The following SHLD1 variants were observed in gnomAD, a reference collection of about 807,000 sequenced individuals.
SHLD1 encodes shieldin complex subunit 1.
Under a neutral mutation model 5.5 loss-of-function variants are expected in SHLD1, and 3 were observed. The observed-to-expected ratio is 0.54, with a 90% CI of 0.25 to 1.40. SHLD1 has a LOEUF of 1.40. SHLD1 is among the 40% of genes most tolerant of loss of function. The pLI is 0.15. For missense variants in SHLD1, 210 were observed against 244.4 expected, an observed-to-expected ratio of 0.86 and a Z score of 0.94; for synonymous variants, 92 against 94.3, an observed-to-expected ratio of 0.98 and a Z score of 0.14.
At chr20:5,755,748 G>A (rs1478069246) in intron 1 of SHLD1, among the ~76,000 whole-genome samples, 4 of 151,930 alleles carry the variant, frequency 2.6e-5, no homozygotes, top group African/African-American at 7.3e-5. Flanking sequence ...TAGTAGAGAC[G>A]GGGTTTCTCC....
intron 2 of SHLD1, among the ~76,000 whole-genome samples, chr20:5,812,737 G>A (rs543013124): frequency 1.4e-4 from 22 of 152,166 alleles, no homozygotes; most frequent in Non-Finnish European, 3.1e-4. Context: ...TTACAGGGTT[G>A]TGAATGTTGT....
Position 5,863,477 on chromosome 20 carries a change from G to A in SHLD1, c.*14G>A. On this transcript the variant is annotated 3_prime_UTR_variant, in exon 3 of 3. Coordinates refer to ENST00000303142, the MANE Select transcript of SHLD1 (RefSeq NM_152504.4). ...AAAGACCTGTAACTGGTGCCGGGCA[G>A]TGTGCAGGGTAGTAATGGAGGTGCT... The A allele has an allele frequency of 6.3e-7, 1 of 1,576,816 alleles. No homozygotes were observed. The highest frequency in any genetic ancestry group is 1.3e-5 in the African/African-American group (1 of 74,378).
intron 2 of SHLD1, among the ~76,000 whole-genome samples, chr20:5,787,334 A>G (rs1000710343): frequency 1.3e-5 from 2 of 152,092 alleles, no homozygotes; most frequent in African/African-American, 4.8e-5. Flanking sequence ...CCCAGAAGAA[A>G]TTTTCTCATC....
chr20:5,857,574 C>T (rs1600185665), intron 2 of SHLD1, among the ~76,000 whole-genome samples: 2 of 152,046 alleles, frequency 1.3e-5, no homozygotes, highest in South Asian at 2.1e-4. Flanking sequence ...TTTGGGAGGC[C>T]GAGGCGGGCA....
At chr20:5,759,296 A>T (rs1280214917) in intron 1 of SHLD1, among the ~76,000 whole-genome samples, 2 of 148,358 alleles carry the variant, frequency 1.3e-5, no homozygotes, top group East Asian at 4.0e-4. Context: ...GTCTTGCTCT[A>T]TTGCCCAGGC....
intron 2 of SHLD1, among the ~76,000 whole-genome samples, chr20:5,817,394 TTCTCTCTCTCTC>T (rs144955343): frequency 7.4e-4 from 56 of 75,868 alleles, no homozygotes; most frequent in African/African-American, 2.1e-3. Context: ...ACGGGATATT[TTCTCTCTCTCTC>T]TCTCTCTCTC....
chr20:5,852,045 A>G (rs1371290609), intron 2 of SHLD1, among the ~76,000 whole-genome samples: 1 of 151,958 alleles, frequency 6.6e-6, no homozygotes, highest in South Asian at 2.1e-4. Flanking sequence ...GCTGTGTGAC[A>G]TGCCTGCTCC....
chr20:5,820,435 T>G (rs1333210067), intron 2 of SHLD1, among the ~76,000 whole-genome samples: 1 of 152,254 alleles, frequency 6.6e-6, no homozygotes, highest in Non-Finnish European at 1.5e-5. Flanking sequence ...AGCTGCTATG[T>G]GCTGGACACT....
chr20:5,793,215 CT>C (rs1023356401), intron 2 of SHLD1, among the ~76,000 whole-genome samples: 3 of 151,664 alleles, frequency 2.0e-5, no homozygotes, highest in Admixed American at 6.6e-5. Context: ...GGTCCTCCAA[CT>C]TTTTTTTTCC....
In SHLD1 at chr20:5,826,992, G is replaced by A. The variant is rs1014940255; in HGVS notation, c.179-36032G>A. ...CCTCTCTGCATTTGCCCCTAATGCC[G>A]TCAGTAGCCCCCACTCCCACCCCAT... On this transcript the variant is annotated intron_variant, in intron 2 of 2. Transcript: ENST00000303142. 4.7e-5 allele frequency among the ~76,000 whole-genome samples: 7 copies of A among 148,226 alleles called. No homozygotes were observed. The East Asian group carries it at 6.0e-4, about 13-fold the overall frequency.
chr20:5,858,613 C>T (rs1490087602), intron 2 of SHLD1, among the ~76,000 whole-genome samples: 2 of 152,180 alleles, frequency 1.3e-5, no homozygotes, highest in Admixed American at 1.3e-4. Context: ...GTGAGCAAAT[C>T]ACTTGAGGCC....
chr20:5,789,882 G>A (rs551507091), intron 2 of SHLD1, among the ~76,000 whole-genome samples: 3 of 152,084 alleles, frequency 2.0e-5, no homozygotes, highest in South Asian at 2.1e-4. Flanking sequence ...AAGGTGGCCC[G>A]GGACCTTCTC....
At chr20:5,775,644 G>A (rs552515184) in intron 2 of SHLD1, among the ~76,000 whole-genome samples, 2 of 152,290 alleles carry the variant, frequency 1.3e-5, no homozygotes, top group Admixed American at 6.5e-5. Context: ...CATTTTACAC[G>A]GTAGTAGTGG....
At chr20:5,782,748 T>C (rs1568500142) in intron 2 of SHLD1, among the ~76,000 whole-genome samples, 1 of 152,108 alleles carries the variant, frequency 6.6e-6, no homozygotes. Flanking sequence ...GAATTTAGTA[T>C]TTAAGAGTAA....
intron 2 of SHLD1, among the ~76,000 whole-genome samples, chr20:5,794,022 G>T (rs1185836644): frequency 6.7e-6 from 1 of 149,334 alleles, no homozygotes; most frequent in East Asian, 2.0e-4. Flanking sequence ...TTTCTCTCTG[G>T]TTTTAGATGT....
intron 2 of SHLD1, among the ~76,000 whole-genome samples, chr20:5,808,578 T>G (rs1156488593): frequency 6.6e-6 from 1 of 152,260 alleles, no homozygotes; most frequent in African/African-American, 2.4e-5. Context: ...GTCTGCATAG[T>G]ATCCCATTGT....
intron 2 of SHLD1, among the ~76,000 whole-genome samples, chr20:5,774,768 C>T (rs760828906): frequency 2.0e-4 from 31 of 152,308 alleles, no homozygotes; most frequent in Non-Finnish European, 3.7e-4. Flanking sequence ...CACCAGGCCC[C>T]ACTTCCAACA....
At chr20:5,769,384 A>G (rs1320899163) in intron 1 of SHLD1, among the ~76,000 whole-genome samples, 1 of 152,230 alleles carries the variant, frequency 6.6e-6, no homozygotes, top group African/African-American at 2.4e-5. Context: ...CAGGGTAAAC[A>G]AATACTGAGT....
At chr20:5,849,965 C>CAAAAAAAAAA (rs752647466) in intron 2 of SHLD1, among the ~76,000 whole-genome samples, 1 of 50,242 alleles carries the variant, frequency 2.0e-5, no homozygotes, top group African/African-American at 7.3e-5. Context: ...GACTCCGTCT[C>CAAAAAAAAAA]AAAAAAAAAA....
Sources: allele counts gnomAD v4.1 joint callset (sites outside exome capture counted in the v4.1 genomes callset), GRCh38; gene constraint gnomAD v4.1.1; transcripts MANE v1.5; gene names NCBI Gene and HGNC (gene_info 2026-07-23, HGNC 2026-07-21).